PPFIBP1: variants seen among roughly 807,000 people sequenced by gnomAD.
PPFIBP1 encodes liprin-beta-1.
In PPFIBP1, 112 loss-of-function variants were observed where a neutral mutation model predicts 137.8. The observed-to-expected ratio is 0.81, with a 90% CI of 0.70 to 0.95. The LOEUF is 0.95. Ranked by LOEUF, PPFIBP1 falls within the 40% of genes least tolerant of loss-of-function variation. The pLI is 0.00. For missense variants in PPFIBP1, 1,083 were observed against 1,196.6 expected (o/e 0.91, Z 1.40); for synonymous variants, 378 against 417.3 (o/e 0.91, Z 1.15).
At chr12:27,657,433 G>A (rs2059274709) in intron 9 of PPFIBP1, among the ~76,000 whole-genome samples, 1 of 150,756 alleles carries the variant, frequency 6.6e-6, no homozygotes, top group South Asian at 2.1e-4. Flanking sequence ...ACCTTTCTTT[G>A]TTATTACGAA....
chr12:27,687,566 G>T, intron 25 of PPFIBP1, 59 bp downstream of exon 25: 10 of 1,545,874 alleles, frequency 6.5e-6, no homozygotes, highest in Non-Finnish European at 7.0e-6. Context: ...GACTGTCCAT[G>T]TGTCGAAACT....
chr12:27,623,352 T>C (rs1380516517), intron 2 of PPFIBP1, among the ~76,000 whole-genome samples: 7 of 152,144 alleles, frequency 4.6e-5, no homozygotes, highest in Non-Finnish European at 1.0e-4. Context: ...GTTTTTAAGA[T>C]TGTGGATAGC....
chr12:27,611,910 CCCTCAAGT>C (rs1470535567), intron 2 of PPFIBP1, among the ~76,000 whole-genome samples: 9 of 152,144 alleles, frequency 5.9e-5, no homozygotes, highest in African/African-American at 9.7e-5. Flanking sequence ...ACGTCTTTCC[CCCTCAAGT>C]CCATGACGTG....
intron 2 of PPFIBP1, among the ~76,000 whole-genome samples, chr12:27,588,560 C>G (rs1313757391): frequency 6.6e-6 from 1 of 152,266 alleles, no homozygotes. Flanking sequence ...GAAGGGTTTT[C>G]TTTTCCTTTC....
At chr12:27,595,846 C>A (rs1393390730) in intron 2 of PPFIBP1, among the ~76,000 whole-genome samples, 13 of 118,468 alleles carry the variant, frequency 1.1e-4, no homozygotes, top group African/African-American at 4.1e-4. Context: ...AACAGCGACA[C>A]TCTGATCAAC....
intron 1 of PPFIBP1, among the ~76,000 whole-genome samples, chr12:27,556,964 A>T (rs2136294794): frequency 6.6e-6 from 1 of 152,270 alleles, no homozygotes; most frequent in South Asian, 2.1e-4. Flanking sequence ...TCAAAAAAAA[A>T]AACCTCAAAA....
At chr12:27,640,242 G>A (rs2058017233) in intron 4 of PPFIBP1, among the ~76,000 whole-genome samples, 1 of 152,158 alleles carries the variant, frequency 6.6e-6, no homozygotes, top group Middle Eastern at 3.2e-3. Flanking sequence ...AGGACTGAAG[G>A]GAAAGAGGTT....
At chr12:27,667,359 G>C in intron 13 of PPFIBP1, 39 bp downstream of exon 13, 1 of 1,500,942 alleles carries the variant, frequency 6.7e-7, no homozygotes, top group Non-Finnish European at 8.9e-7. Flanking sequence ...ATGTTGAAGA[G>C]ACTGTGTTAC....
intron 2 of PPFIBP1, among the ~76,000 whole-genome samples, chr12:27,612,134 T>G (rs1303950789): frequency 6.6e-6 from 1 of 152,140 alleles, no homozygotes; most frequent in African/African-American, 2.4e-5. Context: ...GCAGCTGACT[T>G]TCTATCAGGT....
chr12:27,681,608 A>G lies in PPFIBP1; in HGVS notation c.1958A>G (p.Gln653Arg). The change falls in exon 22 of 30, where the codon CAG becomes CGG. Residue 653 changes from glutamine (Q) to arginine (R), a missense_variant. Transcript: ENST00000228425. ...CAGGTTTGCAATTGGCTGATGGAAC[A>G]GGGCTTGGGCTCGTACCTGAATTCT... ...KEQVCNWLME[Q>R]GLGSYLNSGK... is the part of the protein sequence containing the mutation. 3.7e-6 allele frequency: 6 copies of G among 1,614,230 alleles called. No homozygotes were observed. The highest frequency in any genetic ancestry group is 5.1e-6 in the Non-Finnish European group (6 of 1,180,012).
chr12:27,525,559 CAA>C (rs1943646194), intron 1 of PPFIBP1, among the ~76,000 whole-genome samples: 1 of 148,740 alleles, frequency 6.7e-6, no homozygotes, highest in South Asian at 2.2e-4. Context: ...ACTCCTGAGT[CAA>C]GTTTCCCCTT....
chr12:27,634,819 TACTGTGACTAG>T (rs199916277), intron 3 of PPFIBP1, 80 bp from the exon 4 acceptor site: 15,270 of 1,022,398 alleles, frequency 0.015, 233 homozygotes, highest in Non-Finnish European at 0.014. Flanking sequence ...GATTGTTCCT[TACTGTGACTAG>T]ACTGGTTTAC....
At chr12:27,534,277 TA>T (rs1488421645) in intron 1 of PPFIBP1, among the ~76,000 whole-genome samples, 2 of 151,284 alleles carry the variant, frequency 1.3e-5, no homozygotes, top group Admixed American at 6.6e-5. Context: ...GAAGAGAGGA[TA>T]GGGGAAATGG....
At chr12:27,527,893 G>T (rs1208128273) in intron 1 of PPFIBP1, among the ~76,000 whole-genome samples, 1 of 152,126 alleles carries the variant, frequency 6.6e-6, no homozygotes, top group Non-Finnish European at 1.5e-5. Flanking sequence ...AAATATGCGA[G>T]TCAAAGCTGT....
rs1169403299 is a variant in PPFIBP1 at position 27,652,308 on chromosome 12, C to T, written c.603+2167C>T. 5.3e-5 allele frequency among the ~76,000 whole-genome samples: 8 copies of T among 152,100 alleles called. No individual in the cohort carries two copies. The East Asian group carries it at 1.5e-3, about 29-fold the overall frequency. ...AACTTTGGAAGATTCAGGACTTGTC[C>T]CTGGAATTGCTAATGGGAGATGATT... is the stretch of plus-strand genomic sequence containing the variant. On this transcript the variant is annotated intron_variant, in intron 7 of 29. Transcript: ENST00000228425.
chr12:27,629,376 A>T (rs117600965), intron 2 of PPFIBP1, among the ~76,000 whole-genome samples: 9 of 152,218 alleles, frequency 5.9e-5, no homozygotes, highest in Non-Finnish European at 1.2e-4. Context: ...CAATCAAGAT[A>T]CTGACCAGAA....
In PPFIBP1 at chr12:27,633,343, TA is replaced by T. The variant is rs2057392929; in HGVS notation, c.-35-17del. On this transcript the variant is annotated intron_variant, in intron 2 of 29. Coordinates refer to ENST00000228425, the MANE Select transcript of PPFIBP1 (RefSeq NM_003622.4). ...CTATGTCATTTAATGGATGTAATGATAACCTTATTTTTTTTCAGATCTGGGT... is the reference window on the plus strand; with the variant it reads ...CTATGTCATTTAATGGATGTAATGATACCTTATTTTTTTTCAGATCTGGGT... The T allele has an allele frequency of 1.9e-6, 3 of 1,548,252 alleles. No individual in the cohort carries two copies. The highest frequency in any genetic ancestry group is 2.7e-6 in the Non-Finnish European group (3 of 1,121,032).
intron 2 of PPFIBP1, among the ~76,000 whole-genome samples, chr12:27,602,474 CTG>C (rs1308925117): frequency 6.6e-6 from 1 of 152,170 alleles, no homozygotes; most frequent in Non-Finnish European, 1.5e-5. Context: ...AGAATATTAA[CTG>C]TAGTCACCAT....
intron 2 of PPFIBP1, among the ~76,000 whole-genome samples, chr12:27,597,115 T>C (rs1310980208): frequency 1.3e-5 from 2 of 152,272 alleles, no homozygotes; most frequent in East Asian, 3.8e-4. Flanking sequence ...CAGGACTGGC[T>C]AACAATGGTG....
Sources: allele counts gnomAD v4.1 joint callset (sites outside exome capture counted in the v4.1 genomes callset), GRCh38; gene constraint gnomAD v4.1.1; transcripts MANE v1.5; gene names NCBI Gene and HGNC (gene_info 2026-07-23, HGNC 2026-07-21).